The following CYBRD1 variants were observed in gnomAD, a reference collection of about 807,000 sequenced individuals.
The protein encoded by CYBRD1 is cytochrome b reductase 1, also known as plasma membrane ascorbate-dependent reductase CYBRD1.
In CYBRD1, 14 loss-of-function variants were observed where a neutral mutation model predicts 21.9. That is an observed-to-expected ratio of 0.64 (90% confidence interval 0.42 to 1.00). CYBRD1 has a LOEUF of 1.00. CYBRD1 is among the 50% of genes least tolerant of loss of function. CYBRD1 has a pLI of 0.00. For synonymous variants in CYBRD1, 146 were observed against 136.5 expected (o/e 1.07, Z -0.48); for missense variants, 328 against 352.5 (o/e 0.93, Z 0.56).
chr2:171,522,525 G>T lies in CYBRD1; in HGVS notation c.-21G>T. 6.3e-7 allele frequency: 1 copy of T among 1,580,392 alleles called. No individual in the cohort carries two copies. The highest frequency in any genetic ancestry group is 2.3e-5 in the East Asian group (1 of 43,688). On this transcript the variant is annotated 5_prime_UTR_variant, in exon 1 of 4. Coordinates refer to ENST00000321348, the MANE Select transcript of CYBRD1 (RefSeq NM_024843.4). The surrounding 1 kb of genome is among the most constrained non-coding windows in gnomAD (Gnocchi z 4.3). Reference sequence around the variant, plus strand: ...CTCTCCAAGTTCTTGTGGCCCCCGCGGTGCGGAGTATGGGGCGCTGATGGC... The same window carrying T: ...CTCTCCAAGTTCTTGTGGCCCCCGCTGTGCGGAGTATGGGGCGCTGATGGC...
chr2:171,552,832 C>G (rs1366516869), intron 2 of CYBRD1, among the ~76,000 whole-genome samples: 1 of 152,170 alleles, frequency 6.6e-6, no homozygotes, highest in South Asian at 2.1e-4. Context: ...TTAGGTTGAA[C>G]TGACTAAATT....
chr2:171,551,946 AT>A lies in CYBRD1; in HGVS notation c.403-1391del, dbSNP rs913001039. On this transcript the variant is annotated intron_variant, in intron 2 of 3. Transcript: ENST00000321348. ...AAGTTTTGTTTCTTTTTCTATCATC[AT>A]TTTTTTTTCTTGCTTAACTCAGTAG... Among the ~76,000 whole-genome samples the A allele has an allele frequency of 9.6e-4, 145 of 151,340 alleles. 1 individual carries two copies. Among genetic ancestry groups the A allele is most frequent in the African/African-American group, 2.9e-3 (120 of 41,270 alleles).
Position 171,522,578 on chromosome 2 carries a change from G to C in CYBRD1, c.33G>C (p.Ala11=), listed in dbSNP as rs1377725380. 6.2e-7 allele frequency: 1 copy of C among 1,610,366 alleles called. No individual in the cohort carries two copies. Among genetic ancestry groups the C allele is most frequent in the East Asian group, 2.2e-5 (1 of 44,772 alleles). MAMEGYWRFL[A]LLGSALLVGF... ...TGGAGGGCTACTGGCGCTTCCTGGCGCTGCTGGGGTCGGCACTGCTCGTCG... is the reference window on the plus strand; with the variant it reads ...TGGAGGGCTACTGGCGCTTCCTGGCCCTGCTGGGGTCGGCACTGCTCGTCG... The change falls in exon 1 of 4, where the codon GCG becomes GCC. Residue 11 remains alanine, a synonymous_variant. Coordinates refer to ENST00000321348, the MANE Select transcript of CYBRD1 (RefSeq NM_024843.4). The surrounding 1 kb of genome is among the most constrained non-coding windows in gnomAD (Gnocchi z 4.3).
chr2:171,522,278 G>A, upstream of CYBRD1: 30 of 1,548,626 alleles, frequency 1.9e-5, no homozygotes, highest in Non-Finnish European at 2.6e-5. The surrounding 1 kb of genome is among the most constrained non-coding windows in gnomAD (Gnocchi z 4.3). Flanking sequence ...CTTGGATGCT[G>A]GACGAGGGAG....
At position 171,522,949 on chromosome 2, in the gene CYBRD1, T is replaced by G; in HGVS notation, c.193+211T>G. 4 of 706,218 alleles carry G rather than the reference T, an allele frequency of 5.7e-6. No individual in the cohort carries two copies. The highest frequency in any genetic ancestry group is 6.5e-6 in the Non-Finnish European group (3 of 459,214). 43.7% of individuals were successfully genotyped at this position (706,218 alleles called of 1,614,324 possible). On this transcript the variant is annotated intron_variant, in intron 1 of 3. Transcript: ENST00000321348. The surrounding 1 kb of genome is among the most constrained non-coding windows in gnomAD (Gnocchi z 4.3). ...GGGACAGAGCTGCGGTTCAGGAGGA[T>G]CGCCGCGAGCGCGGGGCCGGGGGTG...
At chr2:171,542,192 C>T (rs1697645309) in intron 2 of CYBRD1, among the ~76,000 whole-genome samples, 3 of 152,126 alleles carry the variant, frequency 2.0e-5, no homozygotes. Flanking sequence ...ACATTCTTTA[C>T]ATTTGTTTCT....
intron 1 of CYBRD1, among the ~76,000 whole-genome samples, chr2:171,524,400 C>T (rs1697355518): frequency 6.6e-6 from 1 of 152,200 alleles, no homozygotes; most frequent in Non-Finnish European, 1.5e-5. Flanking sequence ...AGAGTAGAGC[C>T]AGTCTCCTCT....
rs1244429301 is a variant in CYBRD1, at chr2:171,541,729, T to C, written c.338T>C (p.Ile113Thr). Residue 113 changes from isoleucine (I) to threonine (T), a missense_variant, in exon 2 of 4, where the codon ATA (isoleucine) becomes ACA (threonine). Transcript: ENST00000321348. Reference protein sequence around the residue: ...AVFENHNVNNIANMYSLHSWV... With the variant: ...AVFENHNVNNTANMYSLHSWV... ...TTTGAGAACCACAATGTTAACAATA[T>C]AGCCAATATGTACAGTCTGCACAGC... 1.9e-6 allele frequency: 3 copies of C among 1,614,030 alleles called. No individual in the cohort carries two copies. The highest frequency in any genetic ancestry group is 1.6e-4 in the Middle Eastern group (1 of 6,062).
chr2:171,530,392 C>T (rs1697447531), intron 1 of CYBRD1, among the ~76,000 whole-genome samples: 1 of 152,194 alleles, frequency 6.6e-6, no homozygotes, highest in African/African-American at 2.4e-5. Flanking sequence ...TTCTCTCAGT[C>T]CAGACACAGT....
chr2:171,535,226 T>G (rs1350648535), intron 1 of CYBRD1, among the ~76,000 whole-genome samples: 4 of 152,108 alleles, frequency 2.6e-5, no homozygotes, highest in African/African-American at 9.7e-5. Flanking sequence ...ACCATAATTG[T>G]ATGGGCTCAT....
chr2:171,547,814 T>C (rs564392721), intron 2 of CYBRD1, among the ~76,000 whole-genome samples: 28 of 151,912 alleles, frequency 1.8e-4, no homozygotes, highest in Non-Finnish European at 3.2e-4. Flanking sequence ...GGAGAGCTCA[T>C]TGATAAATAA....
chr2:171,525,944 G>C (rs1425263760), intron 1 of CYBRD1, among the ~76,000 whole-genome samples: 2 of 73,132 alleles, frequency 2.7e-5, no homozygotes, highest in Non-Finnish European at 4.8e-5. Context: ...CGAAACTCCC[G>C]TCTAAAAAAA....
Position 171,554,706 on chromosome 2 carries a change from G to T in CYBRD1, c.740G>T (p.Gly247Val), listed in dbSNP as rs1262269367. Residue 247 changes from glycine to valine, a missense_variant, in exon 4 of 4, where the codon GGT becomes GTT. Gly to Val is a moderately radical substitution (Grantham distance 109, BLOSUM62 -3). Coordinates refer to ENST00000321348, the MANE Select transcript of CYBRD1 (RefSeq NM_024843.4). ...PNGGTEQGARGSMPAYSGNNM... is the reference protein window; with the variant it reads ...PNGGTEQGARVSMPAYSGNNM... ...GGAGGCACTGAACAGGGAGCAAGAG[G>T]TTCCATGCCAGCCTACTCTGGCAAC... The T allele has an allele frequency of 6.2e-7, 1 of 1,614,022 alleles. No homozygotes were observed. Among genetic ancestry groups the T allele is most frequent in the African/African-American group, 1.3e-5 (1 of 75,046 alleles).
chr2:171,555,029 T>C lies in CYBRD1; in HGVS notation c.*202T>C. On this transcript the variant is annotated 3_prime_UTR_variant, in exon 4 of 4. Coordinates refer to ENST00000321348, the MANE Select transcript of CYBRD1 (RefSeq NM_024843.4). ...GAAAGGATGTGATTAATATAAATAA[T>C]AGCAGATATAAATTGTGGTTATGTT... is the stretch of plus-strand genomic sequence containing the variant. 1.6e-6 allele frequency: 1 copy of C among 616,546 alleles called. No individual in the cohort carries two copies. The highest frequency in any genetic ancestry group is 1.8e-5 in the African/African-American group (1 of 54,112). The allele number at this position is 616,546 out of a possible 1,614,324, so 38.2% of individuals were successfully genotyped here.
In CYBRD1 at chr2:171,555,600, T is replaced by A. The variant is rs566586832; in HGVS notation, c.*773T>A. The stretch of plus-strand genomic sequence containing the variant: ...GCTTCAACACTTAAGTAGCATACAC[T>A]GCCCTACAAACCTCAGAGAGCACTT... On this transcript the variant is annotated 3_prime_UTR_variant, in exon 4 of 4. Coordinates refer to ENST00000321348, the MANE Select transcript of CYBRD1 (RefSeq NM_024843.4). The A allele has an allele frequency of 6.6e-6, 1 of 152,422 alleles. No individual in the cohort carries two copies. The highest frequency in any genetic ancestry group is 2.4e-5 in the African/African-American group (1 of 41,588). 9.4% of individuals were successfully genotyped at this position (152,422 alleles called of 1,614,324 possible).
chr2:171,550,321 G>A (rs1697780180), intron 2 of CYBRD1, among the ~76,000 whole-genome samples: 1 of 152,076 alleles, frequency 6.6e-6, no homozygotes, highest in African/African-American at 2.4e-5. Context: ...GGCCAGGCTG[G>A]TCTTAAAATC....
At position 171,538,157 on chromosome 2, in the gene CYBRD1, G is replaced by C. The variant is rs150241047; in HGVS notation, c.194-3428G>C. Among the ~76,000 whole-genome samples the C allele has an allele frequency of 8.9e-3, 1,362 of 152,284 alleles. 20 individuals are homozygous for C. The highest frequency in any genetic ancestry group is 0.027 in the African/African-American group (1,142 of 41,546). On this transcript the variant is annotated intron_variant, in intron 1 of 3. Coordinates refer to ENST00000321348, the MANE Select transcript of CYBRD1 (RefSeq NM_024843.4). The stretch of plus-strand genomic sequence containing the variant: ...CTGGGCGCGTATTCCCAGCTACTCA[G>C]GAGGCTGAGGCAGGAGAATCTCTTG...
intron 1 of CYBRD1, among the ~76,000 whole-genome samples, chr2:171,533,827 A>G (rs1282698089): frequency 7.0e-6 from 1 of 142,752 alleles, no homozygotes; most frequent in African/African-American, 2.6e-5. Flanking sequence ...GTTGGAGTGC[A>G]GTGGCTCACT....
chr2:171,547,683 G>A (rs991007238), intron 2 of CYBRD1, among the ~76,000 whole-genome samples: 7 of 152,078 alleles, frequency 4.6e-5, no homozygotes, highest in African/African-American at 1.7e-4. Flanking sequence ...TTGTTTGGTG[G>A]CAGGAAATTG....
Sources: gnomAD v4.1 joint callset for allele counts (sites outside exome capture counted in the v4.1 genomes callset) on GRCh38, gnomAD v4.1.1 for gene constraint, Gnocchi (gnomAD v3.1) non-coding constraint, MANE v1.5 for transcripts, NCBI Gene and HGNC (gene_info 2026-07-23, HGNC 2026-07-21) for gene names.